STK3: variants seen among roughly 807,000 people sequenced by gnomAD.
STK3 encodes the protein serine/threonine kinase 3.
STK3 carries 41 observed loss-of-function variants against 58.0 expected under a neutral mutation model. The observed-to-expected ratio is 0.71, with a 90% CI of 0.55 to 0.92. The LOEUF (loss-of-function observed/expected upper bound fraction) is 0.92, where lower values mean the gene tolerates loss of function less well. Among genes scored for constraint, STK3 ranks in the 40% least tolerant of loss-of-function variants. STK3 has a pLI of 0.00. For missense variants in STK3, 479 were observed against 602.7 expected (o/e 0.79, Z 2.15); for synonymous variants, 170 against 191.0 (o/e 0.89, Z 0.91).
chr8:98,757,772 C>T (rs1405128923), intron 3 of STK3, among the ~76,000 whole-genome samples: 1 of 151,834 alleles, frequency 6.6e-6, no homozygotes, highest in South Asian at 2.1e-4. Context: ...CTAGCAGAAG[C>T]TAGGGAGAAA....
At chr8:98,407,757 TGC>T (rs71273128) in intron 3 of STK3, among the ~76,000 whole-genome samples, 7,106 of 131,224 alleles carry the variant, frequency 0.054, 249 homozygotes, top group African/African-American at 0.1. Flanking sequence ...TGTGTGTGTG[TGC>T]GCGCGCGCGC....
chr8:98,587,324 C>T (rs913248783), intron 7 of STK3, among the ~76,000 whole-genome samples: 4 of 151,926 alleles, frequency 2.6e-5, no homozygotes, highest in African/African-American at 9.7e-5. Flanking sequence ...TTTCAAAGAA[C>T]ATCTTTATTT....
intron 1 of STK3, among the ~76,000 whole-genome samples, chr8:98,939,876 C>T (rs900261718): frequency 3.6e-4 from 55 of 152,308 alleles, no homozygotes; most frequent in African/African-American, 1.1e-3. Context: ...GTGCGGAGAG[C>T]CCCCCTCTCC....
At chr8:98,362,579 G>A in the STK3 span, among the ~76,000 whole-genome samples, 9 of 152,314 alleles carry the variant, frequency 5.9e-5, no homozygotes, top group East Asian at 1.2e-3. Flanking sequence ...TCCACCCAGC[G>A]TCTAGCTGAT....
chr8:98,680,771 TTAAGATC>T lies in STK3; in HGVS notation c.684+25689_684+25695del, dbSNP rs140599090. On this transcript the variant is annotated intron_variant, in intron 6 of 10. Coordinates refer to ENST00000419617, the MANE Select transcript of STK3 (RefSeq NM_006281.4). ...CATTTTATCCAAAACTACAAACGAT[TTAAGATC>T]CAGAGAACTAAATAAAATAACAGAG... Among the ~76,000 whole-genome samples the T allele has an allele frequency of 8.3e-4, 126 of 152,142 alleles. 1 individual carries two copies. Among genetic ancestry groups the T allele is most frequent in the African/African-American group, 2.9e-3 (121 of 41,520 alleles).
chr8:98,503,857 G>A (rs1218193885), intron 10 of STK3, among the ~76,000 whole-genome samples: 1 of 152,336 alleles, frequency 6.6e-6, no homozygotes, highest in East Asian at 1.9e-4. Context: ...GTGATGTGGT[G>A]CTGAGAAGAA....
At chr8:98,586,390 G>C (rs1000081065) in intron 7 of STK3, among the ~76,000 whole-genome samples, 3 of 151,382 alleles carry the variant, frequency 2.0e-5, no homozygotes, top group African/African-American at 7.3e-5. Flanking sequence ...TTTATATGCT[G>C]GATTACATTT....
At chr8:98,492,164 TTAAA>T (rs1822750439) in intron 10 of STK3, among the ~76,000 whole-genome samples, 1 of 152,230 alleles carries the variant, frequency 6.6e-6, no homozygotes, top group South Asian at 2.1e-4. Flanking sequence ...CTAATAATTG[TTAAA>T]TAATGCAAAT....
chr8:98,677,627 A>G (rs1823324649), intron 6 of STK3, among the ~76,000 whole-genome samples: 1 of 152,100 alleles, frequency 6.6e-6, no homozygotes, highest in South Asian at 2.1e-4. Context: ...GTAAAAGGTC[A>G]TCAATCACAA....
chr8:98,615,296 C>T (rs906276189), intron 6 of STK3, among the ~76,000 whole-genome samples: 5 of 144,798 alleles, frequency 3.5e-5, no homozygotes, highest in East Asian at 2.1e-4. Context: ...ACATCCACAC[C>T]GAAAACCCAT....
intron 4 of STK3, among the ~76,000 whole-genome samples, chr8:98,718,067 G>T (rs1827149401): frequency 6.6e-6 from 1 of 152,196 alleles, no homozygotes; most frequent in Non-Finnish European, 1.5e-5. Context: ...ACAATGGACA[G>T]TTAGTGCTTA....
chr8:98,586,802 A>C (rs1356584289), intron 7 of STK3, among the ~76,000 whole-genome samples: 14 of 151,936 alleles, frequency 9.2e-5, no homozygotes, highest in Middle Eastern at 3.2e-3. Context: ...TCAGAGATTC[A>C]ACTTCTTCCT....
intron 2 of STK3, among the ~76,000 whole-genome samples, chr8:98,374,637 C>T (rs551648277): frequency 6.6e-6 from 1 of 152,290 alleles, no homozygotes; most frequent in Non-Finnish European, 1.5e-5. Flanking sequence ...ATTTTGCATG[C>T]AGTGTGTGAA....
chr8:98,574,746 G>T (rs1028590080), intron 8 of STK3, among the ~76,000 whole-genome samples: 9 of 152,110 alleles, frequency 5.9e-5, no homozygotes, highest in African/African-American at 1.9e-4. Context: ...AAACTATCTA[G>T]CTCAACACAC....
chr8:98,355,125 C>T, the STK3 span, among the ~76,000 whole-genome samples: 1 of 152,156 alleles, frequency 6.6e-6, no homozygotes, highest in African/African-American at 2.4e-5. Context: ...CTCTCAATGC[C>T]CTAGGCCTAG....
chr8:98,791,378 G>A (rs961519443), intron 1 of STK3, among the ~76,000 whole-genome samples: 2 of 152,136 alleles, frequency 1.3e-5, no homozygotes, highest in African/African-American at 2.4e-5. Context: ...TCAATATTGT[G>A]ATAATGACCA....
downstream of STK3, among the ~76,000 whole-genome samples, chr8:98,401,179 C>T (rs568728075): frequency 6.6e-5 from 10 of 152,182 alleles, no homozygotes; most frequent in Non-Finnish European, 1.5e-4. Flanking sequence ...ATGCAGAGAC[C>T]ACATAGAGAT....
Position 98,825,654 on chromosome 8 carries a change from T to C in STK3, c.-114A>G. On this transcript the variant is annotated 5_prime_UTR_variant, in exon 1 of 11. Coordinates refer to ENST00000419617, the MANE Select transcript of STK3 (RefSeq NM_006281.4). ...CACCACAGAGGGAAACTCTGGGAAC[T>C]CGGACCAACTTTCCCGTAACTCCGC... is the stretch of plus-strand genomic sequence containing the variant. 1 of 1,195,598 alleles carries C rather than the reference T, an allele frequency of 8.4e-7. No individual in the cohort carries two copies. The allele number at this position is 1,195,598 out of a possible 1,614,324, so 74.1% of individuals were successfully genotyped here.
intron 3 of STK3, among the ~76,000 whole-genome samples, chr8:98,425,880 G>A (rs945096442): frequency 1.3e-5 from 2 of 152,306 alleles, no homozygotes; most frequent in Non-Finnish European, 2.9e-5. Flanking sequence ...ACTTCTGACC[G>A]AGACATGTAG....
Sources: gnomAD v4.1 joint callset for allele counts (sites outside exome capture counted in the v4.1 genomes callset) on GRCh38, gnomAD v4.1.1 for gene constraint, MANE v1.5 for transcripts, NCBI Gene and HGNC (gene_info 2026-07-23, HGNC 2026-07-21) for gene names.